HMGA2: variants seen among roughly 807,000 people sequenced by gnomAD.
HMGA2 encodes high mobility group AT-hook 2.
HMGA2 carries 8 observed loss-of-function variants against 19.1 expected under a neutral mutation model. The observed-to-expected ratio is 0.42, with a 90% CI of 0.25 to 0.76. The LOEUF is 0.76. Ranked by LOEUF, HMGA2 falls within the 30% of genes least tolerant of loss-of-function variation. HMGA2 has a pLI of 0.28. For missense variants in HMGA2, 109 were observed against 136.3 expected (o/e 0.80, Z 1.00); for synonymous variants, 60 against 48.8 (o/e 1.23, Z -0.96).
chr12:65,858,041 G>A (rs1044000469), intron 3 of HMGA2: 2 of 152,778 alleles, frequency 1.3e-5, no homozygotes. Flanking sequence ...ATTTCCTGAG[G>A]ATTAATGACC....
intron 3 of HMGA2, among the ~76,000 whole-genome samples, chr12:65,844,337 A>T (rs189015143): frequency 7.2e-5 from 11 of 152,308 alleles, no homozygotes; most frequent in African/African-American, 2.6e-4. Context: ...TGATGCATAT[A>T]ATGCATTCAA....
rs949548263 is a variant in HMGA2, at chr12:65,827,957, A to T, written c.112-44A>T. Reference sequence around the variant, plus strand: ...TAAAGAGTCAGGGTCAATTTCTTTCAGACATTCTTGCCACAACAGCATTTT... The same window carrying T: ...TAAAGAGTCAGGGTCAATTTCTTTCTGACATTCTTGCCACAACAGCATTTT... On this transcript the variant is annotated intron_variant, in intron 1 of 4. Coordinates refer to ENST00000403681, the MANE Select transcript of HMGA2 (RefSeq NM_003483.6). 2.2e-6 allele frequency: 3 copies of T among 1,362,312 alleles called. No homozygotes were observed. In the Admixed American group the frequency reaches 5.0e-5, roughly 23 times the overall value. The allele number at this position is 1,362,312 out of a possible 1,614,324, so 84.4% of individuals were successfully genotyped here. A position where few individuals can be genotyped will look rare whatever the true frequency, so the allele number is the denominator to read the frequency against.
intron 3 of HMGA2, among the ~76,000 whole-genome samples, chr12:65,878,967 T>A (rs1363388208): frequency 6.6e-6 from 1 of 152,236 alleles, no homozygotes; most frequent in African/African-American, 2.4e-5. Flanking sequence ...TTGCTTCGAA[T>A]GTTGTCCTTT....
chr12:65,960,231 G>A (rs1396205822), intron 4 of HMGA2, among the ~76,000 whole-genome samples: 14 of 152,116 alleles, frequency 9.2e-5, no homozygotes, highest in Admixed American at 5.9e-4. Flanking sequence ...CGAAGCTCAG[G>A]GGTCCCTACC....
intron 2 of HMGA2, 47 bp downstream of exon 2, chr12:65,828,134 T>A: frequency 7.3e-7 from 1 of 1,360,676 alleles, no homozygotes; most frequent in Non-Finnish European, 1.1e-6. Context: ...AATGACTGAC[T>A]ACAGGAGCCT....
At chr12:65,961,034 C>G (rs538074375) in intron 4 of HMGA2, among the ~76,000 whole-genome samples, 1 of 152,046 alleles carries the variant, frequency 6.6e-6, no homozygotes, top group Non-Finnish European at 1.5e-5. Context: ...CCTTGGTTTC[C>G]GGATAGTATA....
intron 3 of HMGA2, among the ~76,000 whole-genome samples, chr12:65,924,211 C>A (rs1171122695): frequency 1.3e-5 from 2 of 152,082 alleles, no homozygotes; most frequent in Admixed American, 6.5e-5. Context: ...TTATTGAAGC[C>A]CAGTTAAAAT....
intron 3 of HMGA2, chr12:65,867,470 A>G (rs1432435122): frequency 2.2e-6 from 1 of 454,770 alleles, no homozygotes; most frequent in East Asian, 6.9e-5. Context: ...TCCCTTAATG[A>G]GTGTTTATTA....
intron 3 of HMGA2, among the ~76,000 whole-genome samples, chr12:65,865,791 C>G (rs192487108): frequency 4.0e-5 from 6 of 151,534 alleles, no homozygotes; most frequent in African/African-American, 1.5e-4. Context: ...CCTGCCACCA[C>G]GCCCGGCTAA....
chr12:65,913,329 G>A (rs890118359), intron 3 of HMGA2, among the ~76,000 whole-genome samples: 18 of 152,132 alleles, frequency 1.2e-4, no homozygotes, highest in African/African-American at 4.1e-4. Flanking sequence ...TCCGGGGTCA[G>A]TCATCTTGAC....
At chr12:65,893,956 C>CT (rs921290075) in intron 3 of HMGA2, among the ~76,000 whole-genome samples, 4 of 152,002 alleles carry the variant, frequency 2.6e-5, no homozygotes, top group African/African-American at 9.7e-5. Flanking sequence ...TTTTAATTCA[C>CT]TTTTTTTGTA....
chr12:65,831,309 G>C (rs1465843964), intron 2 of HMGA2, among the ~76,000 whole-genome samples: 3 of 151,808 alleles, frequency 2.0e-5, no homozygotes, highest in Non-Finnish European at 4.4e-5. Flanking sequence ...AATCATGACA[G>C]AATACTGGAG....
intron 3 of HMGA2, among the ~76,000 whole-genome samples, chr12:65,950,204 A>T (rs1876410675): frequency 6.6e-6 from 1 of 152,246 alleles, no homozygotes; most frequent in Non-Finnish European, 1.5e-5. Context: ...TTCCACTCCC[A>T]GGTACATACC....
At chr12:65,847,846 T>C (rs1375996432) in intron 3 of HMGA2, among the ~76,000 whole-genome samples, 3 of 152,236 alleles carry the variant, frequency 2.0e-5, no homozygotes, top group Non-Finnish European at 4.4e-5. Context: ...ATGACAGTTT[T>C]TCTTTAGTGT....
intron 3 of HMGA2, among the ~76,000 whole-genome samples, chr12:65,922,707 C>T (rs185332869): frequency 6.0e-4 from 91 of 151,918 alleles, no homozygotes; most frequent in African/African-American, 2.1e-3. Flanking sequence ...GGGCCAGGGG[C>T]AGTATGATAT....
At chr12:65,925,828 A>G (rs574766438) in intron 3 of HMGA2, among the ~76,000 whole-genome samples, 4 of 152,304 alleles carry the variant, frequency 2.6e-5, no homozygotes, top group East Asian at 3.9e-4. Context: ...GTGCCCTCAC[A>G]TAAGTTCTTA....
chr12:65,938,236 C>T (rs1233040206), intron 3 of HMGA2, among the ~76,000 whole-genome samples: 1 of 152,148 alleles, frequency 6.6e-6, no homozygotes, highest in Non-Finnish European at 1.5e-5. Context: ...TCTGAAGCTC[C>T]GACATTTCTT....
At chr12:65,931,609 AT>A (rs1218231985) in intron 3 of HMGA2, among the ~76,000 whole-genome samples, 1 of 151,178 alleles carries the variant, frequency 6.6e-6, no homozygotes, top group Non-Finnish European at 1.5e-5. Context: ...GTATCAATAT[AT>A]CCAGATGTGT....
At chr12:65,876,205 T>C (rs1422204089) in intron 3 of HMGA2, among the ~76,000 whole-genome samples, 1 of 150,832 alleles carries the variant, frequency 6.6e-6, no homozygotes, top group Non-Finnish European at 1.5e-5. Flanking sequence ...TAGTTAAATA[T>C]GTATTTAAGG....
Sources: gnomAD v4.1 joint callset for allele counts (sites outside exome capture counted in the v4.1 genomes callset) on GRCh38, gnomAD v4.1.1 for gene constraint, MANE v1.5 for transcripts, NCBI Gene and HGNC (gene_info 2026-07-23, HGNC 2026-07-21) for gene names.